Variants in NR2F6 observed in about 807,000 individuals in gnomAD.
NR2F6 encodes ERBA-related gene-2.
NR2F6 carries 16 observed loss-of-function variants against 26.5 expected under a neutral mutation model. The ratio of observed to expected loss-of-function variants is 0.60; its 90% CI spans 0.41 to 0.92. The LOEUF is 0.92. NR2F6 is among the 40% of genes least tolerant of loss of function. The pLI, the probability that NR2F6 is intolerant of heterozygous loss-of-function variation, is 0.00. For missense variants in NR2F6, 536 were observed against 631.7 expected, an observed-to-expected ratio of 0.85 and a Z score of 1.62; for synonymous variants, 325 against 305.0, an observed-to-expected ratio of 1.07 and a Z score of -0.68.
chr19:17,233,167 A>T (rs1301031715), intron 3 of NR2F6, among the ~76,000 whole-genome samples: 6 of 151,954 alleles, frequency 3.9e-5, no homozygotes, highest in Non-Finnish European at 8.8e-5. Flanking sequence ...AAAAATAAAA[A>T]TTAGTCCAGT....
chr19:17,242,708 G>A (rs529091436), intron 1 of NR2F6, among the ~76,000 whole-genome samples: 3 of 152,314 alleles, frequency 2.0e-5, no homozygotes, highest in Admixed American at 6.5e-5. Context: ...GGGTGGAAAC[G>A]GCCTGGCCTG....
At chr19:17,243,553 C>G (rs2073480147) in intron 1 of NR2F6, among the ~76,000 whole-genome samples, 1 of 152,104 alleles carries the variant, frequency 6.6e-6, no homozygotes, top group African/African-American at 2.4e-5. Flanking sequence ...CTTACCCTCC[C>G]TAAAGATATG....
At chr19:17,244,826 G>A in intron 1 of NR2F6, 117 bp downstream of exon 1, 4 of 1,204,494 alleles carry the variant, frequency 3.3e-6, no homozygotes, top group Non-Finnish European at 4.6e-6. Context: ...CTATCTCAGA[G>A]GGGGCAGTGG....
Position 17,244,990 on chromosome 19 carries a change from C to T in NR2F6, c.231G>A (p.Lys77=), listed in dbSNP as rs2145570556. 6.3e-7 allele frequency: 1 copy of T among 1,583,846 alleles called. No individual in the cohort carries two copies. The highest frequency in any genetic ancestry group is 2.3e-5 in the East Asian group (1 of 43,628). Residue 77 remains lysine, a synonymous_variant, in exon 1 of 4, where the codon AAG becomes AAA. Coordinates refer to ENST00000291442, the MANE Select transcript of NR2F6 (RefSeq NM_005234.4). The part of the protein sequence containing the change: ...HYGVFTCEGC[K]SFFKRSIRRN... The stretch of plus-strand genomic sequence containing the variant: ...GGCGGATGCTTCGCTTGAAAAAGCT[C>T]TTGCAGCCCTCGCAGGTGAAGACAC...
At chr19:17,241,689 C>T (rs1356801290) in intron 1 of NR2F6, among the ~76,000 whole-genome samples, 1 of 152,238 alleles carries the variant, frequency 6.6e-6, no homozygotes, top group African/African-American at 2.4e-5. Context: ...AGGGGACACA[C>T]AGAGACAGTC....
Position 17,244,972 on chromosome 19 carries a change from GCTTC to G in NR2F6, c.245_248del (p.Arg82ProfsTer39). 1 of 1,569,796 alleles carries G rather than the reference GCTTC, an allele frequency of 6.4e-7. No individual in the cohort carries two copies. The highest frequency in any genetic ancestry group is 8.6e-7 in the Non-Finnish European group (1 of 1,158,148). ...AGGTGTAGCTGAGGTTGCGGCGGAT[GCTTC>G]GCTTGAAAAAGCTCTTGCAGCCCTC... On this transcript the variant is annotated frameshift_variant, in exon 1 of 4. Coordinates refer to ENST00000291442, the MANE Select transcript of NR2F6 (RefSeq NM_005234.4). LOFTEE classifies it high-confidence loss of function.
In NR2F6 at chr19:17,232,071, G is replaced by T; in HGVS notation, c.*281C>A. 1 of 442,814 alleles carries T rather than the reference G, an allele frequency of 2.3e-6. No individual in the cohort carries two copies. Among genetic ancestry groups the T allele is most frequent in the Non-Finnish European group, 4.0e-6 (1 of 248,892 alleles). 27.4% of individuals were successfully genotyped at this position (442,814 alleles called of 1,614,324 possible). On this transcript the variant is annotated 3_prime_UTR_variant, in exon 4 of 4. Transcript: ENST00000291442. ...CAACCCCACCATCCCACAAGTTCAT[G>T]CTAGGGGTGCTGAGGAACAAGGCTG...
In NR2F6 at chr19:17,235,713, G is replaced by A. The variant is rs1271111220; in HGVS notation, c.726C>T (p.Leu242=). 1 of 1,501,362 alleles carries A rather than the reference G, an allele frequency of 6.7e-7. No individual in the cohort carries two copies. The highest frequency in any genetic ancestry group is 2.7e-5 in the East Asian group (1 of 37,018). 93.0% of individuals were successfully genotyped at this position (1,501,362 alleles called of 1,614,324 possible). A position where few individuals can be genotyped will look rare whatever the true frequency, so the allele number is the denominator to read the frequency against. Residue 242 remains leucine (L), a synonymous_variant, in exon 3 of 4, where the codon CTC becomes CTT. Transcript: ENST00000291442. The surrounding 1 kb of genome is among the most constrained non-coding windows in gnomAD (Gnocchi z 5.0). ...CCGCCTGCGCCGCGTTCAGCACGAA[G>A]AGCTCGCTCCAGCTCAGGCGCAGCA... ...VALLRLSWSE[L]FVLNAAQAAL... is the part of the protein sequence containing the mutation.
In NR2F6 at chr19:17,235,627, G is replaced by A. The variant is rs1185945106; in HGVS notation, c.812C>T (p.Ala271Val). 1 of 1,545,984 alleles carries A rather than the reference G, an allele frequency of 6.5e-7. No individual in the cohort carries two copies. Among genetic ancestry groups the A allele is most frequent in the South Asian group, 1.2e-5 (1 of 85,762 alleles). ...CATGAAAGCCACGGCGCGCTCGGCG[G>A]CCATAGGCGCGGCGTGGAGGCCGGC... ...AAAGLHAAPM[A>V]AERAVAFMDQ... is the part of the protein sequence containing the mutation. The change falls in exon 3 of 4, where the codon GCC (alanine) becomes GTC (valine). Residue 271 changes from alanine (A) to valine (V), a missense_variant. Transcript: ENST00000291442. This position sits in a 1 kb window ranked among gnomAD's most constrained non-coding sequence, Gnocchi z 5.0.
intron 2 of NR2F6, 83 bp downstream of exon 2, chr19:17,240,588 G>GAAAAAGGGGAGGA: frequency 6.9e-7 from 1 of 1,447,140 alleles, no homozygotes; most frequent in Non-Finnish European, 9.7e-7. Flanking sequence ...AAAGGGAGGG[G>GAAAAAGGGGAGGA]AAAAAGGGGA....
rs953562803 is a variant in NR2F6, at chr19:17,232,105, T to C, written c.*247A>G. 5.5e-6 allele frequency: 3 copies of C among 544,540 alleles called. No individual in the cohort carries two copies. Among genetic ancestry groups the C allele is most frequent in the East Asian group, 3.5e-5 (1 of 28,924 alleles). The allele number at this position is 544,540 out of a possible 1,614,324, so 33.7% of individuals were successfully genotyped here. On this transcript the variant is annotated 3_prime_UTR_variant, in exon 4 of 4. Transcript: ENST00000291442. Reference sequence around the variant, plus strand: ...GCTGAGGAACAAGGCTGTCCTAGGATTGGACCCTCCATCCTGGACAGGGGT... The same window carrying C: ...GCTGAGGAACAAGGCTGTCCTAGGACTGGACCCTCCATCCTGGACAGGGGT...
chr19:17,244,867 G>A, intron 1 of NR2F6, 76 bp downstream of exon 1: 1 of 1,507,516 alleles, frequency 6.6e-7, no homozygotes, highest in Non-Finnish European at 8.9e-7. Flanking sequence ...CCAGGCCCAA[G>A]GTGACCGAGC....
chr19:17,241,871 C>A (rs1306554704), intron 1 of NR2F6, among the ~76,000 whole-genome samples: 5 of 151,728 alleles, frequency 3.3e-5, no homozygotes. Context: ...CAAAAATGAG[C>A]TGGGCGTGGT....
rs1337303829 is a variant in NR2F6, at chr19:17,240,711, G to C, written c.333C>G (p.Cys111Trp). The C allele has an allele frequency of 6.2e-7, 1 of 1,614,184 alleles. No individual in the cohort carries two copies. The change falls in exon 2 of 4, where the codon TGC becomes TGG. Residue 111 changes from cysteine to tryptophan, a missense_variant. Physicochemically the swap from Cys to Trp is radical, Grantham distance 215 (BLOSUM62 -2). Transcript: ENST00000291442. Reference sequence around the variant, plus strand: ...CCACCCGGAAGCACTTCTTGAGACGGCAGTACTGGCACTGGTTCCGGTGGT... The same window carrying C: ...CCACCCGGAAGCACTTCTTGAGACGCCAGTACTGGCACTGGTTCCGGTGGT... Reference protein sequence around the residue: ...DQHHRNQCQYCRLKKCFRVGM... With the variant: ...DQHHRNQCQYWRLKKCFRVGM...
intron 2 of NR2F6, among the ~76,000 whole-genome samples, chr19:17,237,156 G>A (rs2073443390): frequency 6.6e-6 from 1 of 152,288 alleles, no homozygotes; most frequent in Non-Finnish European, 1.5e-5. Flanking sequence ...GGAGAAGCCA[G>A]GGCATGGGTT....
intron 1 of NR2F6, 40 bp downstream of exon 1, chr19:17,244,903 G>T (rs765432285): frequency 6.5e-7 from 1 of 1,548,124 alleles, no homozygotes; most frequent in South Asian, 1.2e-5. Context: ...CCCAGGTCGG[G>T]GCGGGGTGCA....
At chr19:17,241,648 C>G (rs1467294641) in intron 1 of NR2F6, among the ~76,000 whole-genome samples, 1 of 152,256 alleles carries the variant, frequency 6.6e-6, no homozygotes, top group African/African-American at 2.4e-5. Flanking sequence ...GGGCCTGGAG[C>G]AACTACCCCT....
chr19:17,240,445 C>G (rs766781009), intron 2 of NR2F6, among the ~76,000 whole-genome samples: 1 of 152,160 alleles, frequency 6.6e-6, no homozygotes, highest in Non-Finnish European at 1.5e-5. Flanking sequence ...CAGGGGGCCA[C>G]GGATCCTAAT....
At chr19:17,240,567 AG>A (rs878913257) in intron 2 of NR2F6, 103 bp downstream of exon 2, 89,339 of 1,253,040 alleles carry the variant, frequency 0.071, 4,106 homozygotes, top group Middle Eastern at 0.22. Context: ...CCCCTGTGAA[AG>A]GGAGGGGTGA....
Sources: allele counts gnomAD v4.1 joint callset (sites outside exome capture counted in the v4.1 genomes callset), GRCh38; gene constraint gnomAD v4.1.1; non-coding constraint Gnocchi (gnomAD v3.1); transcripts MANE v1.5; gene names NCBI Gene and HGNC (gene_info 2026-07-23, HGNC 2026-07-21).